The following LRRTM4 variants were observed in gnomAD, a reference collection of about 807,000 sequenced individuals.
LRRTM4 encodes the protein leucine rich repeat transmembrane neuronal 4.
In LRRTM4, 25 loss-of-function variants were observed where a neutral mutation model predicts 47.6. That is an observed-to-expected ratio of 0.53 (90% CI 0.38 to 0.73). The LOEUF is 0.73. LRRTM4 is among the 30% of genes least tolerant of loss of function. The pLI, the probability that LRRTM4 is intolerant of heterozygous loss-of-function variation, is 0.00. For missense variants in LRRTM4, 638 were observed against 713.4 expected (o/e 0.89, Z 1.20); for synonymous variants, 311 against 269.5 (o/e 1.15, Z -1.51).
intron 3 of LRRTM4, among the ~76,000 whole-genome samples, chr2:77,200,018 T>TG: frequency 1.3e-5 from 2 of 152,114 alleles, no homozygotes; most frequent in Middle Eastern, 3.4e-3. Flanking sequence ...ATCAAACGTG[T>TG]GGGGAATACT....
At chr2:76,780,287 C>T (rs887338230) in intron 3 of LRRTM4, among the ~76,000 whole-genome samples, 1 of 152,138 alleles carries the variant, frequency 6.6e-6, no homozygotes, top group South Asian at 2.1e-4. Flanking sequence ...CTCTGTATTT[C>T]CTGAATCTGA....
intron 3 of LRRTM4, among the ~76,000 whole-genome samples, chr2:77,436,774 G>A (rs1240806666): frequency 6.6e-6 from 1 of 151,786 alleles, no homozygotes; most frequent in Non-Finnish European, 1.5e-5. Flanking sequence ...CATATTTTCT[G>A]TATGTAGTAT....
At chr2:77,185,239 C>G (rs1386478259) in intron 3 of LRRTM4, among the ~76,000 whole-genome samples, 1 of 152,138 alleles carries the variant, frequency 6.6e-6, no homozygotes, top group East Asian at 1.9e-4. Context: ...TGCTGTCTGT[C>G]TTGTGATAAG....
intron 3 of LRRTM4, among the ~76,000 whole-genome samples, chr2:76,941,834 G>C (rs534178774): frequency 6.6e-6 from 1 of 152,154 alleles, no homozygotes; most frequent in Non-Finnish European, 1.5e-5. Flanking sequence ...ACCCAGTAAT[G>C]GGACTGCTGG....
intron 3 of LRRTM4, among the ~76,000 whole-genome samples, chr2:77,076,189 T>A (rs1680331590): frequency 6.6e-6 from 1 of 152,158 alleles, no homozygotes; most frequent in South Asian, 2.1e-4. Flanking sequence ...AAATGGCTTG[T>A]CACCAAGTTA....
intron 3 of LRRTM4, among the ~76,000 whole-genome samples, chr2:77,426,071 C>T (rs1019286962): frequency 4.6e-5 from 7 of 150,758 alleles, no homozygotes; most frequent in African/African-American, 9.8e-5. Flanking sequence ...GCCGAGATTG[C>T]GCCACTGCAC....
chr2:76,945,754 A>AGTGTGTGT (rs71376806), intron 3 of LRRTM4, among the ~76,000 whole-genome samples: 7 of 150,236 alleles, frequency 4.7e-5, no homozygotes, highest in African/African-American at 7.3e-5. Flanking sequence ...AGTGTGTAGA[A>AGTGTGTGT]GTGTGTGTGT....
chr2:77,395,176 G>T (rs1254683902), intron 3 of LRRTM4, among the ~76,000 whole-genome samples: 1 of 151,840 alleles, frequency 6.6e-6, no homozygotes, highest in Non-Finnish European at 1.5e-5. Context: ...CTGGTCAGTT[G>T]TGCCTAAACC....
chr2:77,099,357 T>G (rs967339650), intron 3 of LRRTM4, among the ~76,000 whole-genome samples: 3 of 151,930 alleles, frequency 2.0e-5, no homozygotes, highest in African/African-American at 4.8e-5. Flanking sequence ...GACCCAAAAG[T>G]TGCAATACAA....
chr2:76,919,810 T>C (rs7598840), intron 3 of LRRTM4, among the ~76,000 whole-genome samples: 4,030 of 152,264 alleles, frequency 0.026, 167 homozygotes, highest in African/African-American at 0.087. Context: ...GGTTAAAAAG[T>C]ATATCTTCTG....
intron 3 of LRRTM4, among the ~76,000 whole-genome samples, chr2:76,769,876 AT>A (rs1673619711): frequency 6.6e-6 from 1 of 152,202 alleles, no homozygotes; most frequent in African/African-American, 2.4e-5. Flanking sequence ...ATAACAAAAA[AT>A]AATACCTTTT....
rs1011178001 is a variant in LRRTM4 at position 76,902,764 on chromosome 2, G to T, written c.1552-153848C>A. ...TTATTTTTCACTGAGCACTTGTCTA[G>T]AATCAAACTGCCCTAGTTTTAAACT... On this transcript the variant is annotated intron_variant, in intron 3 of 3. Transcript: ENST00000409884. Among the ~76,000 whole-genome samples, 5 of 152,126 alleles carry T rather than the reference G, an allele frequency of 3.3e-5. No homozygotes were observed. In the East Asian group the frequency reaches 9.7e-4, roughly 29 times the overall value.
intron 3 of LRRTM4, among the ~76,000 whole-genome samples, chr2:76,935,119 G>A (rs1674899202): frequency 6.6e-6 from 1 of 152,094 alleles, no homozygotes; most frequent in Non-Finnish European, 1.5e-5. Flanking sequence ...AGATTCAAGA[G>A]CAGGAAAGAC....
intron 3 of LRRTM4, among the ~76,000 whole-genome samples, chr2:77,209,997 G>C (rs545417928): frequency 1.3e-5 from 2 of 152,082 alleles, no homozygotes; most frequent in African/African-American, 2.4e-5. Context: ...AAAGCTCTCT[G>C]CCTAGATTTA....
intron 3 of LRRTM4, among the ~76,000 whole-genome samples, chr2:76,772,681 C>G (rs1279287393): frequency 6.6e-6 from 1 of 152,118 alleles, no homozygotes; most frequent in Non-Finnish European, 1.5e-5. Context: ...GTAGTGCCCA[C>G]TTATTCACAT....
At chr2:77,092,240 A>G (rs564811089) in intron 3 of LRRTM4, among the ~76,000 whole-genome samples, 3 of 151,884 alleles carry the variant, frequency 2.0e-5, no homozygotes, top group Non-Finnish European at 2.9e-5. Context: ...GGCCTCCCAC[A>G]TTATTCCTGA....
chr2:77,437,906 G>A (rs1675666968), intron 3 of LRRTM4, among the ~76,000 whole-genome samples: 1 of 152,052 alleles, frequency 6.6e-6, no homozygotes, highest in Non-Finnish European at 1.5e-5. Context: ...TCAACAATTA[G>A]CAGTATACTT....
chr2:77,223,658 T>G (rs1674713127), intron 3 of LRRTM4, among the ~76,000 whole-genome samples: 1 of 152,194 alleles, frequency 6.6e-6, no homozygotes, highest in Non-Finnish European at 1.5e-5. Flanking sequence ...ACAAGGGATG[T>G]GAAGAACCTC....
chr2:76,809,185 C>T (rs1185875190), intron 3 of LRRTM4, among the ~76,000 whole-genome samples: 2 of 152,130 alleles, frequency 1.3e-5, no homozygotes, highest in Non-Finnish European at 2.9e-5. Flanking sequence ...TGATAAATAA[C>T]ATTAACATCC....
Sources: allele counts gnomAD v4.1 joint callset (sites outside exome capture counted in the v4.1 genomes callset), GRCh38; gene constraint gnomAD v4.1.1; transcripts MANE v1.5; gene names NCBI Gene and HGNC (gene_info 2026-07-23, HGNC 2026-07-21).